Variants in STRN observed in about 807,000 individuals in gnomAD.
STRN encodes striatin.
STRN carries 53 observed loss-of-function variants against 96.3 expected under a neutral mutation model. That is an observed-to-expected ratio of 0.55 (90% CI 0.44 to 0.69). The LOEUF (loss-of-function observed/expected upper bound fraction) is 0.69. STRN is among the 30% of genes least tolerant of loss of function. The pLI is 0.00. For missense variants in STRN, 987 were observed against 963.9 expected (o/e 1.02, Z -0.32); for synonymous variants, 428 against 355.9 (o/e 1.20, Z -2.28).
At chr2:36,879,763 T>C (rs1186135296) in intron 9 of STRN, among the ~76,000 whole-genome samples, 1 of 152,206 alleles carries the variant, frequency 6.6e-6, no homozygotes, top group Non-Finnish European at 1.5e-5. Flanking sequence ...GTCAACTGTA[T>C]TGACTAGTGC....
Position 36,890,528 on chromosome 2 carries a change from G to T in STRN, c.931+3370C>A, listed in dbSNP as rs1669364612. On this transcript the variant is annotated intron_variant, in intron 7 of 17. Transcript: ENST00000263918. ...AGACAGAGTCTCGCTCTGTCGCCCA[G>T]GCTGGAGTGCAATGGCGTCATCTTG... Among the ~76,000 whole-genome samples the T allele has an allele frequency of 1.4e-5, 2 of 137,958 alleles. 1 individual carries two copies. The highest frequency in any genetic ancestry group is 4.5e-4 in the South Asian group (2 of 4,450). The allele number at this position is 137,958 out of a possible 152,430, so 90.5% of individuals were successfully genotyped here.
intron 1 of STRN, among the ~76,000 whole-genome samples, chr2:36,956,283 A>G (rs1664885733): frequency 6.6e-6 from 1 of 152,186 alleles, no homozygotes; most frequent in Non-Finnish European, 1.5e-5. Context: ...TATATCACAT[A>G]TTTTGCATAT....
In STRN at chr2:36,839,378, C is replaced by T. The variant is rs575730098; in HGVS notation, c.*10078G>A. On this transcript the variant is annotated 3_prime_UTR_variant, in exon 18 of 18. Transcript: ENST00000263918. ...AACTGTGTGGCATATAGCTGGCACTCAAATATTAAGGAAAGTAGTCTTCTG... is the reference window on the plus strand; with the variant it reads ...AACTGTGTGGCATATAGCTGGCACTTAAATATTAAGGAAAGTAGTCTTCTG... Among the ~76,000 whole-genome samples the T allele has an allele frequency of 4.6e-5, 7 of 152,180 alleles. No homozygotes were observed. In the East Asian group the frequency reaches 1.3e-3, roughly 29 times the overall value.
At position 36,957,750 on chromosome 2, in the gene STRN, T is replaced by TTG. The variant is rs1558669988; in HGVS notation, c.234+8479_234+8480insCA. Reference sequence around the variant, plus strand: ...TCATAGTTCTTCTTTTTGTCTTTTTTTTTTTTTTTTTTTTTTTTTTTTGAG... The same window carrying TTG: ...TCATAGTTCTTCTTTTTGTCTTTTTTTGTTTTTTTTTTTTTTTTTTTTTTGAG... On this transcript the variant is annotated intron_variant, in intron 1 of 17. Transcript: ENST00000263918. 5.8e-4 allele frequency among the ~76,000 whole-genome samples: 45 copies of TTG among 77,674 alleles called. No individual in the cohort carries two copies. The South Asian group carries it at 7.5e-3, about 13-fold the overall frequency. The allele number at this position is 77,674 out of a possible 152,430, so 51.0% of individuals were successfully genotyped here. A position where few individuals can be genotyped will look rare whatever the true frequency, so the allele number is the denominator to read the frequency against.
intron 1 of STRN, among the ~76,000 whole-genome samples, chr2:36,961,548 G>A (rs929876713): frequency 2.0e-5 from 3 of 151,974 alleles, no homozygotes; most frequent in South Asian, 2.1e-4. Context: ...TTTTGAATAC[G>A]TATCAAATAC....
At position 36,897,060 on chromosome 2, in the gene STRN, G is replaced by A. The variant is rs540942023; in HGVS notation, c.795+2463C>T. ...TGCATGCTTGTAATCCCAGCTACTC[G>A]GGAGGCTGAGACAGGAGAATTGCTT... On this transcript the variant is annotated intron_variant, in intron 6 of 17. Coordinates refer to ENST00000263918, the MANE Select transcript of STRN (RefSeq NM_003162.4). 3.9e-5 allele frequency among the ~76,000 whole-genome samples: 6 copies of A among 152,054 alleles called. No individual in the cohort carries two copies. In the East Asian group the frequency reaches 9.7e-4, roughly 25 times the overall value.
chr2:36,884,207 A>G (rs1396716774), intron 8 of STRN, 132 bp from the exon 9 acceptor site: 2 of 821,350 alleles, frequency 2.4e-6, no homozygotes, highest in East Asian at 6.8e-5. Flanking sequence ...TACTAGATTA[A>G]TAAGAATTAT....
intron 7 of STRN, among the ~76,000 whole-genome samples, chr2:36,888,079 G>C (rs1669286544): frequency 6.6e-6 from 1 of 152,056 alleles, no homozygotes; most frequent in Non-Finnish European, 1.5e-5. Context: ...TTCCATACGT[G>C]CACTTTTTCA....
chr2:36,851,864 C>T (rs772359902), intron 15 of STRN, among the ~76,000 whole-genome samples: 3 of 152,164 alleles, frequency 2.0e-5, no homozygotes, highest in African/African-American at 7.2e-5. Flanking sequence ...ATCCCTTTAT[C>T]ACTCTTCCTC....
In STRN at chr2:36,893,772, T is replaced by C. The variant is rs568225533; in HGVS notation, c.931+126A>G. 1.8e-5 allele frequency: 20 copies of C among 1,130,440 alleles called. No individual in the cohort carries two copies. The South Asian group carries it at 3.0e-4, about 17-fold the overall frequency. The allele number at this position is 1,130,440 out of a possible 1,614,324, so 70.0% of individuals were successfully genotyped here. On this transcript the variant is annotated intron_variant, in intron 7 of 17. Coordinates refer to ENST00000263918, the MANE Select transcript of STRN (RefSeq NM_003162.4). ...CACATTCACCCTGGATAAAGGGTGC[T>C]AGTAGTAATAAGTTCACAGAATGCT...
At chr2:36,898,982 G>C (rs1481259220) in intron 6 of STRN, among the ~76,000 whole-genome samples, 1 of 152,074 alleles carries the variant, frequency 6.6e-6, no homozygotes, top group Non-Finnish European at 1.5e-5. Flanking sequence ...AGAGAAAGAA[G>C]TGGCTACTTC....
intron 1 of STRN, among the ~76,000 whole-genome samples, chr2:36,947,329 C>A (rs1001277013): frequency 6.6e-6 from 1 of 151,838 alleles, no homozygotes; most frequent in Non-Finnish European, 1.5e-5. Flanking sequence ...TAAAAATACA[C>A]AAAATTAAAT....
chr2:36,912,188 TCTA>T (rs1442525561), intron 3 of STRN, among the ~76,000 whole-genome samples: 2 of 152,142 alleles, frequency 1.3e-5, no homozygotes, highest in African/African-American at 4.8e-5. Flanking sequence ...TTCGAGTATC[TCTA>T]CTCTTTCCCT....
intron 1 of STRN, among the ~76,000 whole-genome samples, chr2:36,927,524 A>AGG (rs3080759): frequency 0.018 from 1,448 of 79,390 alleles, 54 homozygotes; most frequent in East Asian, 0.12. Context: ...AACAAAAAAA[A>AGG]GGGGGGGGGG....
rs1317869464 is a variant in STRN at position 36,842,079 on chromosome 2, T to C, written c.*7377A>G. ...TGAAAAATTATTGTCTTGGTCCCAT[T>C]TCCAAAGGGAAGTAGTTGGATGCCA... On this transcript the variant is annotated 3_prime_UTR_variant, in exon 18 of 18. Transcript: ENST00000263918. 1 of 152,232 alleles carries C rather than the reference T, an allele frequency of 6.6e-6. No homozygotes were observed. Among genetic ancestry groups the C allele is most frequent in the Non-Finnish European group, 1.5e-5 (1 of 68,048 alleles). The allele number at this position is 152,232 out of a possible 1,614,324, so 9.4% of individuals were successfully genotyped here.
intron 1 of STRN, among the ~76,000 whole-genome samples, chr2:36,957,869 G>GC (rs1283997532): frequency 1.5e-5 from 2 of 137,318 alleles, no homozygotes; most frequent in East Asian, 4.7e-4. Flanking sequence ...TCCTGCCTCA[G>GC]CCCCCCGAGT....
intron 3 of STRN, among the ~76,000 whole-genome samples, chr2:36,911,669 G>A (rs928417949): frequency 1.3e-5 from 2 of 152,124 alleles, no homozygotes; most frequent in Non-Finnish European, 1.5e-5. Context: ...CAGCCTCCTT[G>A]TGTCTTCACT....
chr2:36,889,604 A>C (rs973236669), intron 7 of STRN, among the ~76,000 whole-genome samples: 23 of 63,528 alleles, frequency 3.6e-4, no homozygotes, highest in African/African-American at 1.3e-3. Flanking sequence ...ACCTAAGCAT[A>C]TTCTTCTTTT....
intron 12 of STRN, among the ~76,000 whole-genome samples, chr2:36,864,373 G>T (rs1427066304): frequency 6.6e-6 from 1 of 152,176 alleles, no homozygotes; most frequent in African/African-American, 2.4e-5. Flanking sequence ...AAGTGATGCT[G>T]AATTTTATCG....
Sources: gnomAD v4.1 joint callset for allele counts (sites outside exome capture counted in the v4.1 genomes callset) on GRCh38, gnomAD v4.1.1 for gene constraint, MANE v1.5 for transcripts, NCBI Gene and HGNC (gene_info 2026-07-23, HGNC 2026-07-21) for gene names.